NEBL: variants seen among roughly 807,000 people sequenced by gnomAD.
NEBL encodes nebulette, also known as LIM and SH3 protein 2.
Under a neutral mutation model 140.2 loss-of-function variants are expected in NEBL, and 122 were observed. The observed-to-expected ratio is 0.87, with a 90% CI of 0.75 to 1.01. The LOEUF (loss-of-function observed/expected upper bound fraction) is 1.01. NEBL is among the 50% of genes least tolerant of loss of function. The pLI, the probability that NEBL is intolerant of heterozygous loss-of-function variation, is 0.00. For synonymous variants in NEBL, 436 were observed against 398.9 expected (o/e 1.09, Z -1.11); for missense variants, 1,365 against 1,231.3 (o/e 1.11, Z -1.62).
chr10:21,243,977 G>GAGGGAAGGA (rs772895655), intron 3 of NEBL, among the ~76,000 whole-genome samples: 140 of 151,948 alleles, frequency 9.2e-4, no homozygotes, highest in Non-Finnish European at 1.5e-3. Flanking sequence ...GGAGGGAAGG[G>GAGGGAAGGA]AGGGAAGGAA....
At chr10:20,929,672 T>C (rs1385402027) in intron 4 of NEBL, among the ~76,000 whole-genome samples, 1 of 150,636 alleles carries the variant, frequency 6.6e-6, no homozygotes, top group Non-Finnish European at 1.5e-5. Flanking sequence ...CCACATGTTC[T>C]CATTTACAAG....
intron 1 of NEBL, among the ~76,000 whole-genome samples, chr10:21,277,547 G>A (rs759657291): frequency 6.6e-6 from 1 of 152,138 alleles, no homozygotes; most frequent in East Asian, 1.9e-4. Flanking sequence ...TTCCACATTG[G>A]TCAAATGGAA....
intron 3 of NEBL, among the ~76,000 whole-genome samples, chr10:21,182,289 A>C (rs1399692003): frequency 1.3e-5 from 2 of 151,884 alleles, no homozygotes; most frequent in Non-Finnish European, 2.9e-5. Context: ...CTGGGCAACA[A>C]AGCAAGGCCC....
At chr10:21,082,376 T>C (rs1048484200) in intron 2 of NEBL, among the ~76,000 whole-genome samples, 4 of 152,146 alleles carry the variant, frequency 2.6e-5, no homozygotes, top group African/African-American at 9.7e-5. Context: ...AATGTGGTTA[T>C]GTAAGAGAAT....
At chr10:21,237,501 T>C (rs748638437) in intron 3 of NEBL, among the ~76,000 whole-genome samples, 10 of 151,280 alleles carry the variant, frequency 6.6e-5, no homozygotes, top group Non-Finnish European at 1.2e-4. Context: ...CACTGCGCCC[T>C]GCCTAATATG....
chr10:21,231,156 G>A (rs887474641), intron 3 of NEBL, among the ~76,000 whole-genome samples: 3 of 152,190 alleles, frequency 2.0e-5, no homozygotes, highest in Admixed American at 2.0e-4. Flanking sequence ...TTCTTGGCTT[G>A]GTGGATGCAG....
intron 3 of NEBL, among the ~76,000 whole-genome samples, chr10:20,962,802 T>C (rs1358109781): frequency 6.6e-6 from 1 of 152,152 alleles, no homozygotes; most frequent in African/African-American, 2.4e-5. Context: ...TAAAATTAAT[T>C]AAGTTAATTT....
intron 1 of NEBL, among the ~76,000 whole-genome samples, chr10:21,273,307 C>T (rs1842880788): frequency 6.6e-6 from 1 of 152,114 alleles, no homozygotes; most frequent in African/African-American, 2.4e-5. Flanking sequence ...AGATTTCTCC[C>T]TTGGAGAGCT....
chr10:20,854,062 A>G (rs970754242), intron 9 of NEBL, among the ~76,000 whole-genome samples: 3 of 152,176 alleles, frequency 2.0e-5, no homozygotes, highest in Non-Finnish European at 2.9e-5. Context: ...TTTAAAAATA[A>G]TTATTTCATG....
At position 20,815,730 on chromosome 10, in the gene NEBL, A is replaced by G. The variant is rs767749797; in HGVS notation, c.2149-13T>C. The G allele has an allele frequency of 1.3e-6, 2 of 1,523,086 alleles. No individual in the cohort carries two copies. Among genetic ancestry groups the G allele is most frequent in the Non-Finnish European group, 1.8e-6 (2 of 1,097,664 alleles). 94.3% of individuals were successfully genotyped at this position (1,523,086 alleles called of 1,614,324 possible). On this transcript the variant is annotated splice_polypyrimidine_tract_variant and intron_variant, in intron 21 of 27. Transcript: ENST00000377122. ...CTCTGTAATAAACCTATCATTTCAG[A>G]GAACAAAAAATAGAATACTATGAAT...
At position 20,828,609 on chromosome 10, in the gene NEBL, T is replaced by G; in HGVS notation, c.1697A>C (p.Lys566Thr). 2 of 1,583,826 alleles carry G rather than the reference T, an allele frequency of 1.3e-6. No homozygotes were observed. The highest frequency in any genetic ancestry group is 1.7e-6 in the Non-Finnish European group (2 of 1,152,988). The change falls in exon 17 of 28, where the codon AAG (lysine) becomes ACG (threonine). Residue 566 changes from lysine to threonine, a missense_variant. Transcript: ENST00000377122. ...TATGGTAGAATAGTTAGAAAGCATC[T>G]TCTCTGCTTCATCTTTATACTTTCT... Reference protein sequence around the residue: ...SQRKYKDEAEKMLSNYSTIAD... With the variant: ...SQRKYKDEAETMLSNYSTIAD...
chr10:21,173,988 G>A lies in NEBL; in HGVS notation c.-155C>T. On this transcript the variant is annotated 5_prime_UTR_variant, in exon 1 of 7. Transcript: ENST00000417816. The surrounding 1 kb of genome is among the most constrained non-coding windows in gnomAD (Gnocchi z 5.7). Reference sequence around the variant, plus strand: ...AGTCGGCGCCGGGCCACGGGTGAGTGCACGGGGAGGGCGACGGGGCCTGGC... The same window carrying A: ...AGTCGGCGCCGGGCCACGGGTGAGTACACGGGGAGGGCGACGGGGCCTGGC... 8.1e-7 allele frequency: 1 copy of A among 1,236,884 alleles called. No homozygotes were observed. 76.6% of individuals were successfully genotyped at this position (1,236,884 alleles called of 1,614,324 possible).
intron 2 of NEBL, among the ~76,000 whole-genome samples, chr10:21,061,340 G>A (rs563153352): frequency 3.1e-4 from 45 of 147,394 alleles, no homozygotes; most frequent in African/African-American, 1.1e-3. Context: ...TATGTGATAT[G>A]TAATATGTTA....
At chr10:20,929,900 GT>G (rs1191116171) in intron 4 of NEBL, among the ~76,000 whole-genome samples, 2 of 152,102 alleles carry the variant, frequency 1.3e-5, no homozygotes, top group Admixed American at 1.3e-4. Context: ...AACTGCACCT[GT>G]ACCTTCTAAG....
At chr10:21,159,497 G>C (rs1029678348) in intron 2 of NEBL, among the ~76,000 whole-genome samples, 1 of 152,086 alleles carries the variant, frequency 6.6e-6, no homozygotes, top group East Asian at 1.9e-4. Flanking sequence ...CTACCCCATC[G>C]ACCAATTCTT....
intron 2 of NEBL, among the ~76,000 whole-genome samples, chr10:21,038,934 G>C (rs1834131006): frequency 6.6e-6 from 1 of 152,074 alleles, no homozygotes; most frequent in South Asian, 2.1e-4. Flanking sequence ...TCTCATTGTG[G>C]TTTTGATTTG....
chr10:21,176,434 G>A (rs1841302068), upstream of NEBL, among the ~76,000 whole-genome samples: 1 of 152,200 alleles, frequency 6.6e-6, no homozygotes, highest in Non-Finnish European at 1.5e-5. Flanking sequence ...CATGCTCAGA[G>A]TTACATTTTT....
intron 2 of NEBL, among the ~76,000 whole-genome samples, chr10:21,088,255 C>T (rs570519136): frequency 6.6e-6 from 1 of 152,312 alleles, no homozygotes; most frequent in East Asian, 1.9e-4. Context: ...AGTTCCAACA[C>T]TTTGGGAGGC....
intron 3 of NEBL, among the ~76,000 whole-genome samples, chr10:21,002,744 A>G (rs186035483): frequency 6.6e-6 from 1 of 152,264 alleles, no homozygotes; most frequent in Non-Finnish European, 1.5e-5. Flanking sequence ...AGATCTCGGG[A>G]GAACTCACTT....
Sources: gnomAD v4.1 joint callset for allele counts (sites outside exome capture counted in the v4.1 genomes callset) on GRCh38, gnomAD v4.1.1 for gene constraint, Gnocchi (gnomAD v3.1) non-coding constraint, MANE v1.5 for transcripts, NCBI Gene and HGNC (gene_info 2026-07-23, HGNC 2026-07-21) for gene names.